The following NIPSNAP3B variants were observed in gnomAD, a reference collection of about 807,000 sequenced individuals.
The protein encoded by NIPSNAP3B is nipsnap homolog 3B, also known as protein NipSnap homolog 3B.
In NIPSNAP3B, 30 loss-of-function variants were observed where a neutral mutation model predicts 31.5. The observed-to-expected ratio is 0.95, with a 90% confidence interval of 0.71 to 1.29. The LOEUF (loss-of-function observed/expected upper bound fraction) is 1.29, where lower values mean the gene tolerates loss of function less well. Ranked by LOEUF, NIPSNAP3B falls within the 50% of genes most tolerant of loss-of-function variation. NIPSNAP3B has a pLI of 0.00. For synonymous variants in NIPSNAP3B, 106 were observed against 107.9 expected (o/e 0.98, Z 0.11); for missense variants, 269 against 300.7 (o/e 0.89, Z 0.78).
At chr9:104,783,935 C>T in the NIPSNAP3B span, 6 of 188,798 alleles carry the variant, frequency 3.2e-5, no homozygotes, top group Admixed American at 5.5e-5. Context: ...GATCAATAAT[C>T]GCTGGCCATG....
chr9:104,788,098 T>C, the NIPSNAP3B span: 1 of 1,589,302 alleles, frequency 6.3e-7, no homozygotes, highest in Non-Finnish European at 8.6e-7. Context: ...GGCTTGGGAA[T>C]TTTATCATGC....
intron 3 of NIPSNAP3B, 47 bp downstream of exon 3, chr9:104,769,068 A>G (rs760364379): frequency 2.8e-6 from 4 of 1,439,266 alleles, no homozygotes; most frequent in East Asian, 2.3e-5. Context: ...GTAAAATACT[A>G]AAGACCTAAA....
chr9:104,770,671 T>C (rs577313840), intron 3 of NIPSNAP3B, among the ~76,000 whole-genome samples, 178 bp from the exon 4 acceptor site: 1 of 152,296 alleles, frequency 6.6e-6, no homozygotes, highest in Admixed American at 6.5e-5. Flanking sequence ...GACAAAGACT[T>C]TCTAAACATA....
rs892451463 is a variant in NIPSNAP3B at position 104,764,299 on chromosome 9, A to G, written c.59A>G (p.Gln20Arg). ...KALASRTLAP[Q>R]VCSSFATGPR... is the part of the protein sequence containing the mutation. Reference sequence around the variant, plus strand: ...CTTGCCTCACGGACGCTCGCGCCTCAGGTACTGGCCGCGGGGGCGCGCCCG... The same window carrying G: ...CTTGCCTCACGGACGCTCGCGCCTCGGGTACTGGCCGCGGGGGCGCGCCCG... Residue 20 changes from glutamine to arginine, a missense_variant and splice_region_variant, in exon 1 of 6, where the codon CAG (glutamine) becomes CGG (arginine). Gln to Arg is a conservative substitution (Grantham distance 43). Transcript: ENST00000374762. 1 of 1,583,566 alleles carries G rather than the reference A, an allele frequency of 6.3e-7. No individual in the cohort carries two copies. The highest frequency in any genetic ancestry group is 8.6e-7 in the Non-Finnish European group (1 of 1,167,354).
the NIPSNAP3B span, chr9:104,785,544 C>T: frequency 1.2e-6 from 2 of 1,609,244 alleles, no homozygotes; most frequent in South Asian, 2.2e-5. Context: ...TTTTAGAACA[C>T]TTCCAGGAAA....
At chr9:104,788,142 C>A in the NIPSNAP3B span, 1 of 1,381,356 alleles carries the variant, frequency 7.2e-7, no homozygotes, top group South Asian at 1.2e-5. Flanking sequence ...AGTTCTTTCA[C>A]TGAGTAGGAC....
chr9:104,783,250 A>G, the NIPSNAP3B span: 1 of 152,276 alleles, frequency 6.6e-6, no homozygotes, highest in East Asian at 1.9e-4. Flanking sequence ...AGTCACTGAT[A>G]GAACTTAAAA....
At chr9:104,787,812 G>A in the NIPSNAP3B span, 1 of 1,610,470 alleles carries the variant, frequency 6.2e-7, no homozygotes, top group Non-Finnish European at 8.5e-7. Context: ...GCTGTCCCTG[G>A]GGGAAGACAA....
chr9:104,785,075 A>G, the NIPSNAP3B span, among the ~76,000 whole-genome samples: 1 of 152,352 alleles, frequency 6.6e-6, no homozygotes, highest in African/African-American at 2.4e-5. Flanking sequence ...CTTAAGTGTC[A>G]GGACCTATTT....
chr9:104,765,116 G>A lies in NIPSNAP3B; in HGVS notation c.60+816G>A, dbSNP rs1828063130. ...AAAGGATAGTTGCAGGTATTTTTTG[G>A]TATGAAGAAGGGTTTTCTAAGAAAA... On this transcript the variant is annotated intron_variant, in intron 1 of 5. Transcript: ENST00000374762. Among the ~76,000 whole-genome samples, 4 of 152,136 alleles carry A rather than the reference G, an allele frequency of 2.6e-5. No homozygotes were observed. The South Asian group carries it at 8.3e-4, about 31-fold the overall frequency.
chr9:104,786,917 T>C, the NIPSNAP3B span: 32 of 1,613,916 alleles, frequency 2.0e-5, 1 homozygote, highest in Admixed American at 4.5e-4. Flanking sequence ...TGACAACACT[T>C]AGGGCACAAT....
At chr9:104,766,086 G>GA (rs980129955) in intron 1 of NIPSNAP3B, among the ~76,000 whole-genome samples, 2 of 152,084 alleles carry the variant, frequency 1.3e-5, no homozygotes, top group African/African-American at 4.8e-5. Flanking sequence ...AAATTCTCGT[G>GA]AAAAAATGGC....
At chr9:104,787,284 TA>T in the NIPSNAP3B span, among the ~76,000 whole-genome samples, 1 of 152,142 alleles carries the variant, frequency 6.6e-6, no homozygotes, top group Non-Finnish European at 1.5e-5. Flanking sequence ...GACTGATAAG[TA>T]TATACAAAAC....
chr9:104,785,423 G>A, the NIPSNAP3B span: 1 of 1,614,084 alleles, frequency 6.2e-7, no homozygotes, highest in South Asian at 1.1e-5. Flanking sequence ...GAGAAACAGA[G>A]TAGTCTTCTA....
rs75271365 is a variant in NIPSNAP3B, at chr9:104,774,976, G to A, written c.*1903G>A. Among the ~76,000 whole-genome samples the A allele has an allele frequency of 4.1e-3, 629 of 151,752 alleles. 3 individuals carry two copies. The highest frequency in any genetic ancestry group is 5.5e-3 in the Non-Finnish European group (371 of 67,938). Reference sequence around the variant, plus strand: ...AAGAGTCTTCATAAGTTCCCACCCCGTCTGCCCGCTTTCTACAGCCAACCC... The same window carrying A: ...AAGAGTCTTCATAAGTTCCCACCCCATCTGCCCGCTTTCTACAGCCAACCC... On this transcript the variant is annotated 3_prime_UTR_variant, in exon 6 of 6. Transcript: ENST00000374762.
chr9:104,764,782 C>T (rs896290627), intron 1 of NIPSNAP3B, among the ~76,000 whole-genome samples: 6 of 152,082 alleles, frequency 3.9e-5, no homozygotes, highest in African/African-American at 1.4e-4. Context: ...CTCCTGACCT[C>T]GTGATCCGCC....
intron 2 of NIPSNAP3B, among the ~76,000 whole-genome samples, chr9:104,768,040 A>C (rs1251489910): frequency 6.6e-6 from 1 of 152,168 alleles, no homozygotes; most frequent in African/African-American, 2.4e-5. Context: ...TTTAATCCCT[A>C]ATACAATATA....
Position 104,776,412 on chromosome 9 carries a change from A to G in NIPSNAP3B, c.*3339A>G, listed in dbSNP as rs555387217. ...ATGTTTTTGTCCCCCCAAAATTCCT[A>G]TGTTGAAGCCTTAATCTCAACATAG... On this transcript the variant is annotated 3_prime_UTR_variant, in exon 6 of 6. Coordinates refer to ENST00000374762, the MANE Select transcript of NIPSNAP3B (RefSeq NM_018376.4). 6.6e-6 allele frequency among the ~76,000 whole-genome samples: 1 copy of G among 151,972 alleles called. No homozygotes were observed. Among genetic ancestry groups the G allele is most frequent in the South Asian group, 2.1e-4 (1 of 4,816 alleles).
the NIPSNAP3B span, among the ~76,000 whole-genome samples, chr9:104,790,268 G>C: frequency 6.6e-6 from 1 of 152,140 alleles, no homozygotes; most frequent in African/African-American, 2.4e-5. Context: ...TCTTTAGAGA[G>C]GGCAATTTAC....
Sources: allele counts gnomAD v4.1 joint callset (sites outside exome capture counted in the v4.1 genomes callset), GRCh38; gene constraint gnomAD v4.1.1; transcripts MANE v1.5; gene names NCBI Gene and HGNC (gene_info 2026-07-23, HGNC 2026-07-21).